Variants in HBS1L observed in about 807,000 individuals in gnomAD.
HBS1L encodes the protein HBS1 like translational GTPase.
A neutral mutation model predicts 88.9 loss-of-function variants in HBS1L; 55 were observed. The observed-to-expected ratio is 0.62, with a 90% CI of 0.50 to 0.77. The LOEUF (loss-of-function observed/expected upper bound fraction) is 0.77, where lower values mean the gene tolerates loss of function less well. Ranked by LOEUF, HBS1L falls within the 30% of genes least tolerant of loss-of-function variation. The pLI is 0.00. For synonymous variants in HBS1L, 267 were observed against 288.5 expected (o/e 0.93, Z 0.76); for missense variants, 741 against 829.3 (o/e 0.89, Z 1.31).
chr6:135,044,202 A>C (rs923903668), intron 2 of HBS1L, among the ~76,000 whole-genome samples: 4 of 152,316 alleles, frequency 2.6e-5, no homozygotes, highest in Middle Eastern at 3.4e-3. Context: ...TTACTGGAGT[A>C]CTTATTAGGA....
rs1378679017 is a variant in HBS1L, at chr6:134,963,080, TCA to T, written c.*2197_*2198del. ...CTGTAAACTAAAATTCTTAATTCGA[TCA>T]CAGTCTTATATAATATACAGAGTGG... On this transcript the variant is annotated 3_prime_UTR_variant, in exon 18 of 18. Coordinates refer to ENST00000367837, the MANE Select transcript of HBS1L (RefSeq NM_006620.4). 3 of 152,214 alleles carry T rather than the reference TCA, an allele frequency of 2.0e-5. No individual in the cohort carries two copies. The highest frequency in any genetic ancestry group is 4.8e-5 in the African/African-American group (2 of 41,456). The allele number at this position is 152,214 out of a possible 1,614,324, so 9.4% of individuals were successfully genotyped here.
At chr6:135,047,259 A>G (rs1435012674) in intron 2 of HBS1L, among the ~76,000 whole-genome samples, 2 of 152,244 alleles carry the variant, frequency 1.3e-5, no homozygotes, top group African/African-American at 4.8e-5. Flanking sequence ...TCAAGATAAC[A>G]TAACATTTAT....
intron 4 of HBS1L, among the ~76,000 whole-genome samples, chr6:135,024,439 CAAAAAAA>C (rs60663059): frequency 1.5e-5 from 1 of 66,498 alleles, no homozygotes; most frequent in Non-Finnish European, 3.2e-5. Context: ...GACTTCGTCT[CAAAAAAA>C]AAAAAAAAAA....
chr6:135,029,111 T>C (rs1049905976), intron 4 of HBS1L, among the ~76,000 whole-genome samples: 2 of 152,004 alleles, frequency 1.3e-5, no homozygotes, highest in East Asian at 1.9e-4. Flanking sequence ...AAATCAAAGA[T>C]ACAAATGTAA....
chr6:135,037,744 C>G lies in HBS1L; in HGVS notation c.430+1829G>C, dbSNP rs770794778. The G allele has an allele frequency of 2.6e-6, 4 of 1,551,088 alleles. No individual in the cohort carries two copies. In the South Asian group the frequency reaches 4.8e-5, roughly 18 times the overall value. The stretch of plus-strand genomic sequence containing the variant: ...AGATGATAATCTGACTGATGGCTGA[C>G]TTTCACAGGAATCTCTTGACATATC... On this transcript the variant is annotated intron_variant, in intron 4 of 17. Coordinates refer to ENST00000367837, the MANE Select transcript of HBS1L (RefSeq NM_006620.4).
chr6:135,026,835 G>C (rs1051438647), intron 4 of HBS1L: 11 of 151,088 alleles, frequency 7.3e-5, no homozygotes, highest in African/African-American at 2.7e-4. Context: ...AAATGCAAGA[G>C]TGTTATATAT....
intron 15 of HBS1L, among the ~76,000 whole-genome samples, chr6:134,976,483 T>C (rs1583062980): frequency 1.3e-5 from 2 of 152,248 alleles, no homozygotes; most frequent in South Asian, 4.1e-4. Context: ...CAATTTACAG[T>C]TGCAAGAATG....
At chr6:135,028,707 C>T (rs4896129) in intron 4 of HBS1L, among the ~76,000 whole-genome samples, 47,665 of 151,824 alleles carry the variant, frequency 0.31, 7,884 homozygotes, top group Non-Finnish European at 0.37. Context: ...CAACTGGAGA[C>T]GGTTCTTCAT....
At chr6:134,967,568 A>C (rs1774351659) in intron 16 of HBS1L, among the ~76,000 whole-genome samples, 1 of 152,230 alleles carries the variant, frequency 6.6e-6, no homozygotes, top group African/African-American at 2.4e-5. Flanking sequence ...GATGACAGGG[A>C]ACACAAACAC....
intron 2 of HBS1L, among the ~76,000 whole-genome samples, chr6:135,045,569 C>T (rs1490297681): frequency 6.6e-6 from 1 of 152,216 alleles, no homozygotes; most frequent in Non-Finnish European, 1.5e-5. Context: ...GGCACAGTGG[C>T]TCATGCCTGT....
At chr6:135,000,247 G>T (rs183048446) in intron 5 of HBS1L, among the ~76,000 whole-genome samples, 18 of 125,822 alleles carry the variant, frequency 1.4e-4, no homozygotes, top group African/African-American at 8.6e-4. Context: ...TGGTAGAGAT[G>T]GGGGAATCTC....
chr6:134,979,368 T>C, intron 13 of HBS1L, 100 bp from the exon 14 acceptor site: 7 of 774,356 alleles, frequency 9.0e-6, no homozygotes, highest in Non-Finnish European at 1.6e-5. Flanking sequence ...CAGTCACTAC[T>C]CATCATTTTC....
Position 134,973,027 on chromosome 6 carries a change from G to T in HBS1L, c.1798-3689C>A, listed in dbSNP as rs555768790. Among the ~76,000 whole-genome samples, 3 of 152,292 alleles carry T rather than the reference G, an allele frequency of 2.0e-5. No homozygotes were observed. In the South Asian group the frequency reaches 6.2e-4, roughly 32 times the overall value. ...AAATGGTAGAGCCCCTGTGGAAAAT[G>T]GTTTAGCAGTTCCTCAAAAAGTTAA... On this transcript the variant is annotated intron_variant, in intron 15 of 17. Transcript: ENST00000367837.
intron 4 of HBS1L, among the ~76,000 whole-genome samples, chr6:135,021,713 T>C (rs1199464542): frequency 6.6e-6 from 1 of 152,176 alleles, no homozygotes; most frequent in Non-Finnish European, 1.5e-5. Context: ...AAAAGTAATG[T>C]ACAACAATGA....
At chr6:135,014,833 A>G (rs1054255685) in intron 4 of HBS1L, among the ~76,000 whole-genome samples, 5 of 143,798 alleles carry the variant, frequency 3.5e-5, no homozygotes, top group African/African-American at 1.1e-4. Context: ...CCTGGGCAAC[A>G]CGGAGAAACT....
At chr6:135,007,741 A>T (rs975216138) in intron 4 of HBS1L, among the ~76,000 whole-genome samples, 3 of 152,220 alleles carry the variant, frequency 2.0e-5, no homozygotes, top group Non-Finnish European at 4.4e-5. Context: ...CATATTTTTT[A>T]AAATGTAAAA....
chr6:134,982,417 A>AC, intron 13 of HBS1L, 41 bp downstream of exon 13: 1 of 1,271,564 alleles, frequency 7.9e-7, no homozygotes. Context: ...TGCTGTCTCA[A>AC]CTTAAGGCTT....
intron 4 of HBS1L, among the ~76,000 whole-genome samples, chr6:135,020,932 G>T (rs1045539331): frequency 1.5e-4 from 23 of 151,734 alleles, no homozygotes; most frequent in African/African-American, 5.1e-4. Flanking sequence ...GTTAAAATGG[G>T]TTTTTTCAAA....
Position 134,969,321 on chromosome 6 carries a change from T to G in HBS1L, c.1815A>C (p.Gln605His). The change falls in exon 16 of 18, where the codon CAA (glutamine) becomes CAC (histidine). Residue 605 changes from glutamine (Q) to histidine (H), a missense_variant. Around this residue, in one of 3 missense-constraint regions of HBS1L, gnomAD observed 181 missense variants for 212.7 expected, o/e 0.85. Transcript: ENST00000367837. Reference protein sequence around the residue: ...TKGFPVLLHYQTVSEPAVIKR... With the variant: ...TKGFPVLLHYHTVSEPAVIKR... ...TAATAACGGCGGGTTCACTGACAGT[T>G]TGGTAGTGTAACAGCACCTAAAACA... is the stretch of plus-strand genomic sequence containing the variant. The G allele has an allele frequency of 6.2e-7, 1 of 1,612,318 alleles. No individual in the cohort carries two copies. Among genetic ancestry groups the G allele is most frequent in the Admixed American group, 1.7e-5 (1 of 60,010 alleles).
Sources: gnomAD v4.1 joint callset for allele counts (sites outside exome capture counted in the v4.1 genomes callset) on GRCh38, gnomAD v4.1.1 for gene constraint, gnomAD v4.1.1 regional missense constraint, MANE v1.5 for transcripts, NCBI Gene and HGNC (gene_info 2026-07-23, HGNC 2026-07-21) for gene names.